The following DPH6 variants were observed in gnomAD, a reference collection of about 807,000 sequenced individuals.
The protein encoded by DPH6 is diphthamine biosynthesis 6.
DPH6 carries 33 observed loss-of-function variants against 38.2 expected under a neutral mutation model. The ratio of observed to expected loss-of-function variants is 0.86; its 90% CI spans 0.65 to 1.15. DPH6 has a LOEUF of 1.15. DPH6 is among the 50% of genes most tolerant of loss of function. DPH6 has a pLI of 0.00. For missense variants in DPH6, 325 were observed against 320.0 expected (o/e 1.02, Z -0.12); for synonymous variants, 108 against 103.0 (o/e 1.05, Z -0.30).
chr15:35,515,834 G>A (rs574051226), intron 3 of DPH6, among the ~76,000 whole-genome samples: 1 of 151,950 alleles, frequency 6.6e-6, no homozygotes, highest in South Asian at 2.1e-4. Flanking sequence ...GAATTTTGAG[G>A]CTGCAGTGAA....
At chr15:35,357,079 A>G (rs2052567779) in intron 3 of DPH6, among the ~76,000 whole-genome samples, 1 of 152,174 alleles carries the variant, frequency 6.6e-6, no homozygotes, top group African/African-American at 2.4e-5. Context: ...GGACTCTCCT[A>G]GCCATGTGCG....
chr15:35,373,537 A>G lies in DPH6; in HGVS notation c.734T>C (p.Leu245Ser). The G allele has an allele frequency of 6.2e-7, 1 of 1,607,204 alleles. No homozygotes were observed. The change falls in exon 8 of 9, where the codon TTG (leucine) becomes TCG (serine). Residue 245 changes from leucine (L) to serine (S), a missense_variant. Physicochemically the swap from Leu to Ser is moderately radical, Grantham distance 145 (BLOSUM62 -2). Transcript: ENST00000256538. ...TTTACTTGCCTTGTCCTCCAAGTGCAATTCTAAAAAGCGTAGATAAGCCAC... is the reference window on the plus strand; with the variant it reads ...TTTACTTGCCTTGTCCTCCAAGTGCGATTCTAAAAAGCGTAGATAAGCCAC... Reference protein sequence around the residue: ...APVAYLRFLELHLEDKVSSVP... With the variant: ...APVAYLRFLESHLEDKVSSVP...
chr15:35,466,651 T>C (rs1414275944), intron 3 of DPH6, among the ~76,000 whole-genome samples: 1 of 152,190 alleles, frequency 6.6e-6, no homozygotes, highest in African/African-American at 2.4e-5. Flanking sequence ...GAATGAGTCA[T>C]TATGCAGTTT....
intron 3 of DPH6, among the ~76,000 whole-genome samples, chr15:35,321,974 CA>C (rs1322463283): frequency 1.3e-5 from 2 of 152,012 alleles, no homozygotes; most frequent in Non-Finnish European, 2.9e-5. Context: ...ATTTAGTGGT[CA>C]GGGGGCCAGG....
At chr15:35,532,972 T>C (rs1407230687) in intron 3 of DPH6, among the ~76,000 whole-genome samples, 2 of 151,950 alleles carry the variant, frequency 1.3e-5, no homozygotes, top group Non-Finnish European at 2.9e-5. Context: ...CCAGGTGTGA[T>C]TGCGGGCAAC....
At chr15:35,228,388 T>G (rs1024126604) in intron 3 of DPH6, among the ~76,000 whole-genome samples, 1 of 152,218 alleles carries the variant, frequency 6.6e-6, no homozygotes, top group Admixed American at 6.5e-5. Context: ...GTTATAATAT[T>G]CTGTGTTTTT....
intron 3 of DPH6, among the ~76,000 whole-genome samples, chr15:35,526,571 A>C (rs990898449): frequency 6.6e-6 from 1 of 152,184 alleles, no homozygotes; most frequent in African/African-American, 2.4e-5. Context: ...ATACAGGAGC[A>C]CAAATGATGG....
intron 3 of DPH6, among the ~76,000 whole-genome samples, chr15:35,289,063 CT>C (rs1428956229): frequency 2.0e-5 from 3 of 152,182 alleles, no homozygotes; most frequent in Admixed American, 2.0e-4. Context: ...TTCATTTCTA[CT>C]TATTTTAAAT....
chr15:35,325,519 C>T (rs550107706), intron 3 of DPH6, among the ~76,000 whole-genome samples: 1 of 152,268 alleles, frequency 6.6e-6, no homozygotes, highest in African/African-American at 2.4e-5. Context: ...ATTGTATGTA[C>T]ATGCGGAAAA....
At chr15:35,490,208 A>G (rs2054458145) in intron 3 of DPH6, 1 of 985,088 alleles carries the variant, frequency 1.0e-6, no homozygotes, top group Non-Finnish European at 1.2e-6. Context: ...CTAAAGGAAG[A>G]AAGGAAGGAA....
chr15:35,322,996 C>A (rs145420522), intron 3 of DPH6, among the ~76,000 whole-genome samples: 1 of 151,960 alleles, frequency 6.6e-6, no homozygotes, highest in Non-Finnish European at 1.5e-5. Flanking sequence ...AATTTAACAA[C>A]GCCTTTGAAC....
intron 3 of DPH6, chr15:35,282,867 T>G (rs1483842407): frequency 1.5e-5 from 5 of 341,216 alleles, no homozygotes; most frequent in African/African-American, 1.1e-4. Context: ...TTAAGGTGGA[T>G]GAAGACCCCA....
chr15:35,527,368 G>A (rs28418293), intron 3 of DPH6, among the ~76,000 whole-genome samples: 98,630 of 152,016 alleles, frequency 0.65, 34,991 homozygotes, highest in East Asian at 0.86. Context: ...TTCCAGAGGA[G>A]TAGAGTTTAA....
At chr15:35,463,575 A>C (rs1218030039) in intron 3 of DPH6, among the ~76,000 whole-genome samples, 2 of 152,190 alleles carry the variant, frequency 1.3e-5, no homozygotes, top group Non-Finnish European at 2.9e-5. Context: ...AAGCGAAGCA[A>C]ATGTTCATAA....
intron 3 of DPH6, chr15:35,237,268 C>T (rs1183090702): frequency 1.4e-5 from 21 of 1,470,156 alleles, no homozygotes; most frequent in South Asian, 5.7e-5. Flanking sequence ...CTAAAACGCG[C>T]GGCCGTGTTA....
the DPH6 span, among the ~76,000 whole-genome samples, chr15:35,158,856 C>G: frequency 6.6e-6 from 1 of 152,036 alleles, no homozygotes; most frequent in East Asian, 1.9e-4. Flanking sequence ...TCACCTAGAA[C>G]AACCCTAATC....
chr15:35,165,750 G>A, the DPH6 span, among the ~76,000 whole-genome samples: 1 of 151,870 alleles, frequency 6.6e-6, no homozygotes, highest in Admixed American at 6.6e-5. Flanking sequence ...TCAGTAATTA[G>A]AAGACCGAAG....
Position 35,243,784 on chromosome 15 carries a change from A to G in DPH6, n.201-23202T>C, listed in dbSNP as rs549470919. On this transcript the variant is annotated intron_variant and non_coding_transcript_variant, in intron 3 of 3. Coordinates refer to the DPH6 transcript ENST00000560386. The stretch of plus-strand genomic sequence containing the variant: ...CTGCACCCAGGTGAAATAAACAGCC[A>G]TGTTGCTCACACAAAGCCTGTTTGG... Among the ~76,000 whole-genome samples the G allele has an allele frequency of 6.6e-5, 10 of 152,214 alleles. No individual in the cohort carries two copies. The South Asian group carries it at 1.9e-3, about 28-fold the overall frequency.
chr15:35,259,082 T>A (rs1318583461), intron 3 of DPH6, among the ~76,000 whole-genome samples: 1 of 150,414 alleles, frequency 6.6e-6, no homozygotes, highest in Non-Finnish European at 1.5e-5. Flanking sequence ...GAGGTGGAGG[T>A]TGCAGTGGGC....
Sources: allele counts gnomAD v4.1 joint callset (sites outside exome capture counted in the v4.1 genomes callset), GRCh38; gene constraint gnomAD v4.1.1; transcripts MANE v1.5; gene names NCBI Gene and HGNC (gene_info 2026-07-23, HGNC 2026-07-21).